Variants in DCLK1 observed in about 807,000 individuals in gnomAD.
DCLK1 encodes serine/threonine-protein kinase DCLK1.
A neutral mutation model predicts 86.2 loss-of-function variants in DCLK1; 16 were observed. The observed-to-expected ratio is 0.19, with a 90% CI of 0.13 to 0.28. The LOEUF (loss-of-function observed/expected upper bound fraction) is 0.28, where lower values mean the gene tolerates loss of function less well. Among genes scored for constraint, DCLK1 ranks in the 10% least tolerant of loss-of-function variants. The pLI is 1.00. For missense variants in DCLK1, 590 were observed against 940.2 expected (o/e 0.63, Z 4.87); for synonymous variants, 369 against 370.5 (o/e 1.00, Z 0.05).
At chr13:35,942,119 C>T (rs1429560930) in intron 4 of DCLK1, among the ~76,000 whole-genome samples, 1 of 152,160 alleles carries the variant, frequency 6.6e-6, no homozygotes, top group Admixed American at 6.5e-5. Context: ...CATCAGCTCT[C>T]CTCCCTGATG....
At chr13:35,775,041 A>T (rs1297985331) in intron 16 of DCLK1, among the ~76,000 whole-genome samples, 2 of 152,110 alleles carry the variant, frequency 1.3e-5, no homozygotes, top group Non-Finnish European at 2.9e-5. Flanking sequence ...CTTCTCTGAA[A>T]AGGGGTGCCT....
rs2086297859 is a variant in DCLK1 at position 35,769,805 on chromosome 13, A to T, written c.*4730T>A. On this transcript the variant is annotated 3_prime_UTR_variant, in exon 17 of 17. Coordinates refer to ENST00000360631, the MANE Select transcript of DCLK1 (RefSeq NM_001330071.2). ...GTCTCAATTTCATTGAACAGAAACA[A>T]ATGCTGAAGAAATTTACAGGTATGA... The T allele has an allele frequency of 6.6e-6, 1 of 152,228 alleles. No homozygotes were observed. The highest frequency in any genetic ancestry group is 2.1e-4 in the South Asian group (1 of 4,838). 9.4% of individuals were successfully genotyped at this position (152,228 alleles called of 1,614,324 possible). A position where few individuals can be genotyped will look rare whatever the true frequency, so the allele number is the denominator to read the frequency against.
At chr13:35,999,348 G>A (rs1279612047) in intron 3 of DCLK1, among the ~76,000 whole-genome samples, 1 of 152,168 alleles carries the variant, frequency 6.6e-6, no homozygotes, top group Non-Finnish European at 1.5e-5. Context: ...CAGCACAGCT[G>A]CCAGCCTGCC....
chr13:35,914,585 C>T (rs2153125511), intron 4 of DCLK1, among the ~76,000 whole-genome samples: 1 of 149,324 alleles, frequency 6.7e-6, no homozygotes, highest in African/African-American at 2.5e-5. Flanking sequence ...GGTATGGTGG[C>T]ACAGCCTATA....
At chr13:36,042,171 C>G (rs1250624988) in intron 3 of DCLK1, among the ~76,000 whole-genome samples, 1 of 152,142 alleles carries the variant, frequency 6.6e-6, no homozygotes, top group East Asian at 1.9e-4. Context: ...GGCATCCTGT[C>G]CAGTTTTACA....
chr13:36,101,226 G>T (rs1367434018), intron 3 of DCLK1, among the ~76,000 whole-genome samples: 1 of 152,162 alleles, frequency 6.6e-6, no homozygotes, highest in Non-Finnish European at 1.5e-5. Flanking sequence ...TCTTCCTCGG[G>T]ATCCGTGTTT....
At chr13:35,920,437 A>G (rs1200965929) in intron 4 of DCLK1, among the ~76,000 whole-genome samples, 3 of 152,244 alleles carry the variant, frequency 2.0e-5, no homozygotes, top group Non-Finnish European at 4.4e-5. Flanking sequence ...TTTCAAGTGT[A>G]AAATGAATAG....
At chr13:35,996,882 G>A (rs941036183) in intron 3 of DCLK1, among the ~76,000 whole-genome samples, 8 of 152,100 alleles carry the variant, frequency 5.3e-5, no homozygotes, top group African/African-American at 1.9e-4. Flanking sequence ...GTGAGCATTC[G>A]ACCTGTTGGC....
At chr13:35,971,827 C>G (rs1879075812) in intron 3 of DCLK1, among the ~76,000 whole-genome samples, 1 of 151,868 alleles carries the variant, frequency 6.6e-6, no homozygotes, top group Non-Finnish European at 1.5e-5. Context: ...CCTGGAGCTG[C>G]TAACGCACCT....
chr13:36,007,060 A>G (rs556894903), intron 3 of DCLK1, among the ~76,000 whole-genome samples: 1 of 152,262 alleles, frequency 6.6e-6, no homozygotes, highest in East Asian at 1.9e-4. Context: ...AGGGAAAGTA[A>G]ATGTGCATGC....
intron 3 of DCLK1, among the ~76,000 whole-genome samples, chr13:36,073,805 C>T (rs1330776651): frequency 1.2e-4 from 18 of 152,160 alleles, no homozygotes; most frequent in Non-Finnish European, 1.9e-4. Context: ...CATTGACCTC[C>T]TCGTGCAGCA....
chr13:35,923,652 G>A (rs1326060734), intron 4 of DCLK1, among the ~76,000 whole-genome samples: 2 of 152,046 alleles, frequency 1.3e-5, no homozygotes, highest in East Asian at 1.9e-4. Context: ...GTATGGCCCT[G>A]AGTTGTATTT....
intron 3 of DCLK1, among the ~76,000 whole-genome samples, chr13:35,962,078 T>C (rs1254179492): frequency 2.6e-5 from 4 of 152,150 alleles, no homozygotes; most frequent in Non-Finnish European, 5.9e-5. Flanking sequence ...GCTCAAGAAG[T>C]GTCTATATGA....
At chr13:35,946,132 C>T (rs1473233730) in intron 4 of DCLK1, among the ~76,000 whole-genome samples, 2 of 152,118 alleles carry the variant, frequency 1.3e-5, no homozygotes, top group Non-Finnish European at 2.9e-5. Context: ...TCTATCTCAG[C>T]CTCCTGAACA....
intron 3 of DCLK1, among the ~76,000 whole-genome samples, chr13:35,956,678 T>G (rs562196200): frequency 6.6e-6 from 1 of 152,280 alleles, no homozygotes; most frequent in Non-Finnish European, 1.5e-5. Context: ...CAACCAGGGA[T>G]AGGTAGGGAA....
intron 3 of DCLK1, among the ~76,000 whole-genome samples, chr13:36,013,322 A>C (rs1471176946): frequency 2.7e-5 from 4 of 150,368 alleles, no homozygotes; most frequent in Admixed American, 2.0e-4. Flanking sequence ...TAGAGTTTCC[A>C]GTTTTTCTGT....
At chr13:35,959,007 A>G (rs1013188160) in intron 3 of DCLK1, among the ~76,000 whole-genome samples, 4 of 152,222 alleles carry the variant, frequency 2.6e-5, no homozygotes, top group African/African-American at 9.6e-5. Context: ...TAAGATAAAA[A>G]AAAGTACAGT....
chr13:35,774,119 C>T lies in DCLK1; in HGVS notation c.*416G>A, dbSNP rs1291838437. 6.3e-6 allele frequency: 1 copy of T among 158,398 alleles called. No individual in the cohort carries two copies. The highest frequency in any genetic ancestry group is 1.4e-5 in the Non-Finnish European group (1 of 71,524). The allele number at this position is 158,398 out of a possible 1,614,324, so 9.8% of individuals were successfully genotyped here. On this transcript the variant is annotated 3_prime_UTR_variant, in exon 17 of 17. Coordinates refer to ENST00000360631, the MANE Select transcript of DCLK1 (RefSeq NM_001330071.2). ...TCAGCATCTAACAACACCCCTTGAT[C>T]TGCAGTAAAATCAAGAAACATGTGT...
intron 2 of DCLK1, among the ~76,000 whole-genome samples, chr13:36,114,349 G>T (rs910948210): frequency 6.6e-6 from 1 of 152,196 alleles, no homozygotes; most frequent in Non-Finnish European, 1.5e-5. Flanking sequence ...CTGTAAATGT[G>T]AGGCTCCTCT....
Sources: allele counts gnomAD v4.1 joint callset (sites outside exome capture counted in the v4.1 genomes callset), GRCh38; gene constraint gnomAD v4.1.1; transcripts MANE v1.5; gene names NCBI Gene and HGNC (gene_info 2026-07-23, HGNC 2026-07-21).